The following PIK3C2G variants were observed in gnomAD, a reference collection of about 807,000 sequenced individuals.
PIK3C2G encodes the protein phosphatidylinositol-4-phosphate 3-kinase catalytic subunit type 2 gamma, also known as phosphatidylinositol 3-kinase C2 domain-containing subunit gamma.
Under a neutral mutation model 181.1 loss-of-function variants are expected in PIK3C2G, and 168 were observed. The ratio of observed to expected loss-of-function variants is 0.93; its 90% confidence interval spans 0.82 to 1.05. The LOEUF is 1.05. Ranked by LOEUF, PIK3C2G falls within the 50% of genes least tolerant of loss-of-function variation. PIK3C2G has a pLI of 0.00. For missense variants in PIK3C2G, 1,869 were observed against 1,732.8 expected (o/e 1.08, Z -1.40); for synonymous variants, 573 against 592.2 (o/e 0.97, Z 0.47).
chr12:18,589,551 T>A (rs1946964841), intron 29 of PIK3C2G, among the ~76,000 whole-genome samples: 1 of 151,970 alleles, frequency 6.6e-6, no homozygotes, highest in Admixed American at 6.6e-5. Flanking sequence ...AGACATGCTA[T>A]TCAAATCAGG....
In PIK3C2G at chr12:18,317,446, C is replaced by T. The variant is rs1037810612; in HGVS notation, c.1137+3382C>T. Among the ~76,000 whole-genome samples the T allele has an allele frequency of 7.2e-5, 11 of 152,102 alleles. No individual in the cohort carries two copies. The East Asian group carries it at 2.1e-3, about 29-fold the overall frequency. ...TTATACAGTATATACAATCTAGTAA[C>T]AATTGATTAATTTAACAAATAAAAC... On this transcript the variant is annotated intron_variant, in intron 6 of 32. Coordinates refer to ENST00000538779, the MANE Select transcript of PIK3C2G (RefSeq NM_001288772.2).
At chr12:18,545,048 T>A (rs1454661020) in intron 25 of PIK3C2G, among the ~76,000 whole-genome samples, 1 of 151,914 alleles carries the variant, frequency 6.6e-6, no homozygotes, top group East Asian at 1.9e-4. Flanking sequence ...TACTCTCATG[T>A]TAAAACACTT....
downstream of PIK3C2G, among the ~76,000 whole-genome samples, chr12:18,649,238 A>G (rs1323448503): frequency 6.6e-6 from 1 of 152,128 alleles, no homozygotes; most frequent in Admixed American, 6.6e-5. Flanking sequence ...TAGAATCAGT[A>G]AAAAGAAACT....
In PIK3C2G at chr12:18,401,419, C is replaced by A. The variant is rs565996816; in HGVS notation, c.2315+1572C>A. On this transcript the variant is annotated intron_variant, in intron 16 of 32. Transcript: ENST00000538779. ...AGGTCTCATTCCCAACATGATCCTACCCCTTTTTCTGGTTTAGATGTAAGA... is the reference window on the plus strand; with the variant it reads ...AGGTCTCATTCCCAACATGATCCTAACCCTTTTTCTGGTTTAGATGTAAGA... Among the ~76,000 whole-genome samples the A allele has an allele frequency of 2.9e-4, 44 of 152,176 alleles. 2 individuals carry two copies. In the East Asian group the frequency reaches 3.5e-3, roughly 12 times the overall value.
chr12:18,386,590 G>A (rs553388875), intron 14 of PIK3C2G, among the ~76,000 whole-genome samples: 18 of 152,252 alleles, frequency 1.2e-4, no homozygotes, highest in African/African-American at 4.3e-4. Flanking sequence ...TTTTCAAAGT[G>A]CATCCAGGTG....
chr12:18,248,339 G>T (rs1179079136), intron 1 of PIK3C2G, among the ~76,000 whole-genome samples: 1 of 152,130 alleles, frequency 6.6e-6, no homozygotes, highest in Non-Finnish European at 1.5e-5. Context: ...TTGGGAGGCC[G>T]AGGCGGGCAG....
intron 8 of PIK3C2G, among the ~76,000 whole-genome samples, chr12:18,325,706 C>CA (rs34711642): frequency 0.22 from 13,209 of 61,262 alleles, 1,220 homozygotes; most frequent in East Asian, 0.36. Context: ...GACTCAGTCT[C>CA]AAAAAAAAAA....
chr12:18,666,987 A>G, the PIK3C2G span, among the ~76,000 whole-genome samples: 3 of 152,328 alleles, frequency 2.0e-5, no homozygotes, highest in South Asian at 2.1e-4. Flanking sequence ...AGTAGCAATC[A>G]TGGCCTAGAA....
intron 18 of PIK3C2G, among the ~76,000 whole-genome samples, chr12:18,462,013 A>T (rs1477562634): frequency 1.3e-5 from 2 of 152,134 alleles, no homozygotes; most frequent in Non-Finnish European, 2.9e-5. Context: ...CCTCCCTCTT[A>T]TAAGGATGCT....
the PIK3C2G span, chr12:18,694,990 G>T: frequency 6.2e-7 from 1 of 1,610,148 alleles, no homozygotes; most frequent in Non-Finnish European, 8.5e-7. Flanking sequence ...AAGAAATGTG[G>T]TTTCAAAATA....
intron 31 of PIK3C2G, among the ~76,000 whole-genome samples, chr12:18,613,963 T>C (rs1948472020): frequency 6.6e-6 from 1 of 152,130 alleles, no homozygotes; most frequent in Admixed American, 6.6e-5. Flanking sequence ...GTTTGACATA[T>C]AAAAACAACA....
the PIK3C2G span, chr12:18,684,129 C>A: frequency 1.4e-5 from 22 of 1,611,076 alleles, no homozygotes; most frequent in Non-Finnish European, 1.6e-5. Context: ...AGGGACATTA[C>A]CTTTGTTCAT....
At chr12:18,669,381 A>G in the PIK3C2G span, among the ~76,000 whole-genome samples, 5,552 of 152,284 alleles carry the variant, frequency 0.036, 342 homozygotes, top group African/African-American at 0.13. Flanking sequence ...TTTATAATAA[A>G]TTGGTGTGTG....
intron 18 of PIK3C2G, among the ~76,000 whole-genome samples, chr12:18,452,532 AT>A (rs903636877): frequency 7.3e-5 from 11 of 150,472 alleles, no homozygotes; most frequent in African/African-American, 1.5e-4. Context: ...AGATTCATTG[AT>A]TTTTTTGGAG....
intron 18 of PIK3C2G, among the ~76,000 whole-genome samples, chr12:18,437,364 GGATA>G (rs1946505183): frequency 6.6e-6 from 1 of 151,868 alleles, no homozygotes; most frequent in Non-Finnish European, 1.5e-5. Flanking sequence ...ACCAAGACTT[GGATA>G]TTACAATCAA....
At chr12:18,478,686 T>G (rs1347769587) in intron 18 of PIK3C2G, among the ~76,000 whole-genome samples, 1 of 152,078 alleles carries the variant, frequency 6.6e-6, no homozygotes, top group Admixed American at 6.5e-5. Flanking sequence ...TCACACAAAG[T>G]TATATTTAAG....
chr12:18,486,871 A>T (rs1258512596), intron 18 of PIK3C2G, among the ~76,000 whole-genome samples: 1 of 152,198 alleles, frequency 6.6e-6, no homozygotes, highest in Non-Finnish European at 1.5e-5. Flanking sequence ...TTACAAGTGC[A>T]TGCCTGCATC....
intron 5 of PIK3C2G, among the ~76,000 whole-genome samples, chr12:18,307,438 A>G (rs982542340): frequency 5.3e-5 from 8 of 151,932 alleles, no homozygotes; most frequent in African/African-American, 1.7e-4. Context: ...GAAGTTTTAT[A>G]GATGATTATT....
chr12:18,506,747 A>C (rs1166231174), intron 24 of PIK3C2G, among the ~76,000 whole-genome samples: 1 of 152,198 alleles, frequency 6.6e-6, no homozygotes, highest in Non-Finnish European at 1.5e-5. Flanking sequence ...AAAAGTCTTT[A>C]AAAATATATT....
Sources: allele counts gnomAD v4.1 joint callset (sites outside exome capture counted in the v4.1 genomes callset), GRCh38; gene constraint gnomAD v4.1.1; transcripts MANE v1.5; gene names NCBI Gene and HGNC (gene_info 2026-07-23, HGNC 2026-07-21).